PRORP: variants seen among roughly 807,000 people sequenced by gnomAD.
PRORP encodes mitochondrial ribonuclease P catalytic subunit.
A neutral mutation model predicts 59.4 loss-of-function variants in PRORP; 51 were observed. That is an observed-to-expected ratio of 0.86 (90% CI 0.69 to 1.08). The LOEUF is 1.08. Ranked by LOEUF, PRORP falls within the 50% of genes least tolerant of loss-of-function variation. PRORP has a pLI of 0.00. For missense variants in PRORP, 646 were observed against 690.3 expected, an observed-to-expected ratio of 0.94 and a Z score of 0.72; for synonymous variants, 231 against 245.6, an observed-to-expected ratio of 0.94 and a Z score of 0.55.
In PRORP at chr14:35,149,009, C is replaced by G. The variant is rs531319132; in HGVS notation, c.1167+21398C>G. Among the ~76,000 whole-genome samples, 4 of 147,254 alleles carry G rather than the reference C, an allele frequency of 2.7e-5. No individual in the cohort carries two copies. The South Asian group carries it at 8.8e-4, about 32-fold the overall frequency. On this transcript the variant is annotated intron_variant, in intron 4 of 7. Transcript: ENST00000534898. Reference sequence around the variant, plus strand: ...TCTCGGCTCACTGCAAGCTCCGCCTCCCAGGTTCACGCCATTCTCCTGCCT... The same window carrying G: ...TCTCGGCTCACTGCAAGCTCCGCCTGCCAGGTTCACGCCATTCTCCTGCCT...
In PRORP at chr14:35,140,789, A is replaced by T. The variant is rs571912755; in HGVS notation, c.1167+13178A>T. On this transcript the variant is annotated intron_variant, in intron 4 of 7. Transcript: ENST00000534898. ...GTGAGATTTTGAGGAAACTTAAAGTATGGCAGCTTCTTTTCTGTTGAATAG... is the reference window on the plus strand; with the variant it reads ...GTGAGATTTTGAGGAAACTTAAAGTTTGGCAGCTTCTTTTCTGTTGAATAG... Among the ~76,000 whole-genome samples, 2 of 145,974 alleles carry T rather than the reference A, an allele frequency of 1.4e-5. 1 individual carries two copies. Among genetic ancestry groups the T allele is most frequent in the East Asian group, 4.6e-4 (2 of 4,358 alleles).
At chr14:35,266,638 C>T in intron 5 of PRORP, 89 bp from the exon 6 acceptor site, 1 of 1,372,160 alleles carries the variant, frequency 7.3e-7, no homozygotes, top group East Asian at 2.3e-5. Context: ...AAGAGTGCTT[C>T]ACCATTGAGG....
intron 5 of PRORP, chr14:35,219,271 C>A (rs2049706614): frequency 1.3e-5 from 2 of 152,256 alleles, no homozygotes; most frequent in South Asian, 4.1e-4. Flanking sequence ...CAGAGGAAGG[C>A]AGTCAGGAAC....
chr14:35,231,163 A>G (rs1289121516), intron 5 of PRORP, among the ~76,000 whole-genome samples: 3 of 152,198 alleles, frequency 2.0e-5, no homozygotes, highest in East Asian at 1.9e-4. Context: ...ATGAAGTTCA[A>G]GGTTTACTAC....
At chr14:35,202,854 GAACT>G (rs1218175674) in intron 5 of PRORP, among the ~76,000 whole-genome samples, 2 of 152,130 alleles carry the variant, frequency 1.3e-5, no homozygotes, top group Non-Finnish European at 2.9e-5. Context: ...GGCTGGTCTT[GAACT>G]CCTGGCCTCA....
chr14:35,249,115 T>A (rs1396087451), intron 5 of PRORP, among the ~76,000 whole-genome samples: 1 of 152,204 alleles, frequency 6.6e-6, no homozygotes, highest in Non-Finnish European at 1.5e-5. Context: ...AATTAATAAA[T>A]GCACATGAAA....
At chr14:35,209,263 A>C (rs1239821272) in intron 5 of PRORP, among the ~76,000 whole-genome samples, 1 of 152,114 alleles carries the variant, frequency 6.6e-6, no homozygotes, top group Non-Finnish European at 1.5e-5. Context: ...CTAATTAGCC[A>C]CCATACTTTA....
chr14:35,197,843 G>A (rs1195012984), intron 5 of PRORP, among the ~76,000 whole-genome samples: 4 of 152,138 alleles, frequency 2.6e-5, no homozygotes, highest in African/African-American at 9.7e-5. Context: ...GGTACAAAGG[G>A]AAAATAAGCT....
intron 4 of PRORP, 50 bp downstream of exon 4, chr14:35,127,661 G>A: frequency 6.2e-7 from 1 of 1,600,908 alleles, no homozygotes; most frequent in Non-Finnish European, 8.5e-7. Context: ...CTAGAGCAGG[G>A]GTTAGCAATT....
chr14:35,199,625 A>G (rs1205955587), intron 5 of PRORP, among the ~76,000 whole-genome samples: 1 of 152,210 alleles, frequency 6.6e-6, no homozygotes, highest in Admixed American at 6.5e-5. Context: ...TCTTCACCAG[A>G]TACAGAACCT....
chr14:35,198,632 G>T (rs1297715510), intron 5 of PRORP, among the ~76,000 whole-genome samples: 1 of 152,206 alleles, frequency 6.6e-6, no homozygotes, highest in African/African-American at 2.4e-5. Context: ...TAAAAGTTTG[G>T]TTACAAAAAG....
intron 5 of PRORP, among the ~76,000 whole-genome samples, chr14:35,221,323 T>C (rs991293764): frequency 6.6e-6 from 1 of 152,202 alleles, no homozygotes; most frequent in African/African-American, 2.4e-5. Flanking sequence ...CCATGATGAA[T>C]AAAATATCAA....
At chr14:35,140,528 T>A (rs1241560946) in intron 4 of PRORP, among the ~76,000 whole-genome samples, 1 of 146,048 alleles carries the variant, frequency 6.8e-6, no homozygotes, top group Non-Finnish European at 1.5e-5. Context: ...TTGCCTATTT[T>A]AAAAATTGGA....
chr14:35,199,162 C>T (rs940970680), intron 5 of PRORP, among the ~76,000 whole-genome samples: 2 of 148,922 alleles, frequency 1.3e-5, no homozygotes, highest in South Asian at 2.1e-4. Flanking sequence ...GAGTGAAACT[C>T]CTTTGAAAAA....
Position 35,266,927 on chromosome 14 carries a change from G to T in PRORP, c.1424+52G>T, listed in dbSNP as rs766771441. 11 of 1,588,516 alleles carry T rather than the reference G, an allele frequency of 6.9e-6. No homozygotes were observed. In the South Asian group the frequency reaches 1.2e-4, roughly 18 times the overall value. ...TATACTGTGCTGCAGACATCTATCT[G>T]CTTGTTAGTTACCTACTTTAAACCT... On this transcript the variant is annotated intron_variant, in intron 6 of 7. Coordinates refer to ENST00000534898, the MANE Select transcript of PRORP (RefSeq NM_014672.4).
intron 4 of PRORP, among the ~76,000 whole-genome samples, chr14:35,152,873 G>C (rs2047809154): frequency 1.3e-5 from 2 of 151,884 alleles, no homozygotes; most frequent in South Asian, 4.1e-4. Context: ...TAGACGGGAT[G>C]GCGGCTGGGA....
chr14:35,240,161 G>A (rs147573691), intron 5 of PRORP, among the ~76,000 whole-genome samples: 1 of 152,122 alleles, frequency 6.6e-6, no homozygotes, highest in Non-Finnish European at 1.5e-5. Flanking sequence ...AGAGTTGGTG[G>A]TTCATCAATC....
At chr14:35,156,078 A>C (rs2047906431) in intron 4 of PRORP, among the ~76,000 whole-genome samples, 1 of 152,196 alleles carries the variant, frequency 6.6e-6, no homozygotes, top group African/African-American at 2.4e-5. Context: ...CTATAGCTGA[A>C]GAGGCAATGT....
intron 5 of PRORP, among the ~76,000 whole-genome samples, chr14:35,244,533 A>G (rs2050438395): frequency 6.6e-6 from 1 of 152,000 alleles, no homozygotes; most frequent in Non-Finnish European, 1.5e-5. Flanking sequence ...ACTGAGCCTG[A>G]ATGATTGGGT....
Sources: gnomAD v4.1 joint callset for allele counts (sites outside exome capture counted in the v4.1 genomes callset) on GRCh38, gnomAD v4.1.1 for gene constraint, MANE v1.5 for transcripts, NCBI Gene and HGNC (gene_info 2026-07-23, HGNC 2026-07-21) for gene names.